Variants in ENPP2 observed in about 807,000 individuals in gnomAD.
The protein encoded by ENPP2 is ectonucleotide pyrophosphatase/phosphodiesterase 2.
ENPP2 carries 51 observed loss-of-function variants against 120.2 expected under a neutral mutation model. That is an observed-to-expected ratio of 0.42 (90% CI 0.34 to 0.54). ENPP2 has a LOEUF of 0.54. Ranked by LOEUF, ENPP2 falls within the 20% of genes least tolerant of loss-of-function variation. The pLI is 0.04. For missense variants in ENPP2, 920 were observed against 1,066.5 expected (o/e 0.86, Z 1.91); for synonymous variants, 365 against 366.4 (o/e 1.00, Z 0.04).
intron 1 of ENPP2, among the ~76,000 whole-genome samples, chr8:119,663,956 G>T (rs1465997328): frequency 6.6e-6 from 1 of 152,174 alleles, no homozygotes; most frequent in Non-Finnish European, 1.5e-5. Context: ...TAGTCAAACT[G>T]TGTACTGAGA....
intron 1 of ENPP2, among the ~76,000 whole-genome samples, chr8:119,651,274 A>G (rs1055349948): frequency 6.6e-6 from 1 of 152,234 alleles, no homozygotes; most frequent in African/African-American, 2.4e-5. Flanking sequence ...AAAAGCAAAC[A>G]TGTATACATA....
intron 19 of ENPP2, among the ~76,000 whole-genome samples, chr8:119,577,007 C>T (rs1197389395): frequency 6.6e-6 from 1 of 152,150 alleles, no homozygotes; most frequent in South Asian, 2.1e-4. Flanking sequence ...TTTTTTATCA[C>T]AGATATCCCT....
At chr8:119,638,866 TAAC>T (rs1432934020), upstream of ENPP2, 9 of 1,578,634 alleles carry the variant, frequency 5.7e-6, no homozygotes, top group East Asian at 1.6e-4. Flanking sequence ...TTTAGTCTAT[TAAC>T]TATAAGCAAT....
At chr8:119,587,895 T>C (rs2130390922) in intron 13 of ENPP2, among the ~76,000 whole-genome samples, 1 of 152,298 alleles carries the variant, frequency 6.6e-6, no homozygotes, top group South Asian at 2.1e-4. Context: ...AGATAGCAAC[T>C]ATCATGAGGC....
intron 1 of ENPP2, among the ~76,000 whole-genome samples, chr8:119,661,715 A>G (rs1162017668): frequency 6.6e-6 from 1 of 152,180 alleles, no homozygotes; most frequent in Non-Finnish European, 1.5e-5. Context: ...AGATATCTGC[A>G]CTCCTATGTT....
chr8:119,557,813 T>C (rs1813587947), intron 24 of ENPP2, 122 bp from the exon 25 acceptor site: 1 of 738,740 alleles, frequency 1.4e-6, no homozygotes, highest in Non-Finnish European at 2.1e-6. Context: ...CCAACGCATG[T>C]TGATCCTTCC....
In ENPP2 at chr8:119,584,109, G is replaced by T. The variant is rs537932287; in HGVS notation, c.1368-60C>A. On this transcript the variant is annotated intron_variant, in intron 15 of 24. Coordinates refer to ENST00000075322, the MANE Select transcript of ENPP2 (RefSeq NM_001040092.3). ...TCTCATGAAATTACTTTGATAAAAA[G>T]GTAATTTCAGGGTACAAAGAATATC... The T allele has an allele frequency of 6.5e-5, 74 of 1,144,098 alleles. 1 individual carries two copies. Among genetic ancestry groups the T allele is most frequent in the Non-Finnish European group, 9.5e-5 (72 of 759,112 alleles). 70.9% of individuals were successfully genotyped at this position (1,144,098 alleles called of 1,614,324 possible). A position where few individuals can be genotyped will look rare whatever the true frequency, so the allele number is the denominator to read the frequency against.
chr8:119,634,831 G>A (rs1430400779), intron 2 of ENPP2, among the ~76,000 whole-genome samples: 1 of 152,186 alleles, frequency 6.6e-6, no homozygotes, highest in East Asian at 1.9e-4. Context: ...TTCTGAGTAT[G>A]TAAACTAGAT....
chr8:119,616,432 A>T (rs374264059), intron 7 of ENPP2, 48 bp from the exon 8 acceptor site: 44 of 1,411,232 alleles, frequency 3.1e-5, no homozygotes, highest in Non-Finnish European at 4.3e-5. Context: ...ACAATAATCC[A>T]CATACATTAG....
In ENPP2 at chr8:119,621,455, G is replaced by A. The variant is rs764751518; in HGVS notation, c.357C>T (p.His119=). 110 of 1,613,314 alleles carry A rather than the reference G, an allele frequency of 6.8e-5. No individual in the cohort carries two copies. Among genetic ancestry groups the A allele is most frequent in the Non-Finnish European group, 9.2e-5 (108 of 1,179,438 alleles). The stretch of plus-strand genomic sequence containing the variant: ...CCCTGGCCAAGCAGTCCTCTGAGCA[G>A]TGACAGGCATTTTCTTCATTTCTGA... ...GEVRNEENAC[H]CSEDCLARGD... Residue 119 remains histidine (H), a synonymous_variant, in exon 4 of 25, where the codon CAC becomes CAT. Coordinates refer to ENST00000075322, the MANE Select transcript of ENPP2 (RefSeq NM_001040092.3).
intron 1 of ENPP2, among the ~76,000 whole-genome samples, chr8:119,646,038 G>A (rs1817437340): frequency 1.3e-5 from 2 of 151,286 alleles, no homozygotes; most frequent in Non-Finnish European, 2.9e-5. Context: ...GCACGATCTC[G>A]GCTCACCGCA....
chr8:119,603,042 G>A (rs569171327), intron 9 of ENPP2, among the ~76,000 whole-genome samples: 18 of 152,226 alleles, frequency 1.2e-4, no homozygotes, highest in African/African-American at 3.9e-4. Flanking sequence ...GCCATAAAAT[G>A]AGTCCAAATT....
At chr8:119,671,512 G>A (rs1003026251) in intron 1 of ENPP2, among the ~76,000 whole-genome samples, 1 of 152,196 alleles carries the variant, frequency 6.6e-6, no homozygotes, top group African/African-American at 2.4e-5. Flanking sequence ...AGGGTTTGGT[G>A]ATGATTGTCA....
At chr8:119,575,119 T>A (rs961332567) in intron 19 of ENPP2, among the ~76,000 whole-genome samples, 1 of 152,236 alleles carries the variant, frequency 6.6e-6, no homozygotes, top group African/African-American at 2.4e-5. Context: ...GCTTTCTACA[T>A]ATGACCTGTC....
chr8:119,637,281 A>T (rs1199981362), intron 2 of ENPP2, among the ~76,000 whole-genome samples: 1 of 151,776 alleles, frequency 6.6e-6, no homozygotes, highest in Non-Finnish European at 1.5e-5. Flanking sequence ...ACAGAAGACG[A>T]CTCATTTTGT....
chr8:119,632,698 T>A (rs1480208995), intron 2 of ENPP2, among the ~76,000 whole-genome samples: 1 of 152,198 alleles, frequency 6.6e-6, no homozygotes, highest in Non-Finnish European at 1.5e-5. Context: ...CAGAAACAGG[T>A]ACAATTACTT....
At chr8:119,647,661 A>G (rs1010590343) in intron 1 of ENPP2, among the ~76,000 whole-genome samples, 1 of 152,188 alleles carries the variant, frequency 6.6e-6, no homozygotes, top group African/African-American at 2.4e-5. Context: ...ATAAGAGCAT[A>G]AATTCTTAGA....
At chr8:119,579,894 TG>T (rs1812608753) in intron 19 of ENPP2, among the ~76,000 whole-genome samples, 1 of 152,148 alleles carries the variant, frequency 6.6e-6, no homozygotes, top group Non-Finnish European at 1.5e-5. Flanking sequence ...TAAAAGCTAT[TG>T]AGGGGGGAGA....
At chr8:119,568,298 A>C (rs752220934) in intron 21 of ENPP2, 46 bp from the exon 22 acceptor site, 11 of 975,218 alleles carry the variant, frequency 1.1e-5, no homozygotes, top group Admixed American at 2.5e-5. Context: ...ACCAAAATCT[A>C]TATCAGTTAA....
Sources: gnomAD v4.1 joint callset for allele counts (sites outside exome capture counted in the v4.1 genomes callset) on GRCh38, gnomAD v4.1.1 for gene constraint, MANE v1.5 for transcripts, NCBI Gene and HGNC (gene_info 2026-07-23, HGNC 2026-07-21) for gene names.